The following PPP2R5C variants were observed in gnomAD, a reference collection of about 807,000 sequenced individuals.
PPP2R5C encodes serine/threonine-protein phosphatase 2A 56 kDa regulatory subunit gamma isoform.
In PPP2R5C, 7 loss-of-function variants were observed where a neutral mutation model predicts 68.9. The observed-to-expected ratio is 0.10, with a 90% confidence interval of 0.06 to 0.19. The LOEUF (loss-of-function observed/expected upper bound fraction) is 0.19. Among genes scored for constraint, PPP2R5C ranks in the 10% least tolerant of loss-of-function variants. PPP2R5C has a pLI of 1.00. For synonymous variants in PPP2R5C, 210 were observed against 222.2 expected (o/e 0.95, Z 0.49); for missense variants, 348 against 641.3 (o/e 0.54, Z 4.94).
intron 2 of PPP2R5C, 31 bp downstream of exon 4, chr14:101,856,916 C>G (rs770724888): frequency 1.9e-6 from 3 of 1,596,250 alleles, no homozygotes; most frequent in Non-Finnish European, 2.6e-6. Context: ...CAGTGTGTCC[C>G]AGTTCTGATT....
chr14:101,906,613 G>A lies in PPP2R5C; in HGVS notation c.1151+84G>A. ...GCTACTTCAGTAAGAATAAATATCA[G>A]AATTTTAAATATCAATTAAAAAACA... On this transcript the variant is annotated intron_variant, in intron 10 of 13. Transcript: ENST00000334743. This position sits in a 1 kb window ranked among gnomAD's most constrained non-coding sequence, Gnocchi z 4.0. 6.9e-7 allele frequency: 1 copy of A among 1,444,396 alleles called. No individual in the cohort carries two copies. Among genetic ancestry groups the A allele is most frequent in the Non-Finnish European group, 9.3e-7 (1 of 1,072,514 alleles). The allele number at this position is 1,444,396 out of a possible 1,614,324, so 89.5% of individuals were successfully genotyped here.
intron 1 of PPP2R5C, among the ~76,000 whole-genome samples, chr14:101,848,404 A>T (rs1595366824): frequency 6.6e-6 from 1 of 151,934 alleles, no homozygotes; most frequent in East Asian, 1.9e-4. Context: ...GGTGGCGAGC[A>T]CCTATAGTCC....
At chr14:101,761,060 G>C (rs1191031706), upstream of PPP2R5C, among the ~76,000 whole-genome samples, 6 of 137,862 alleles carry the variant, frequency 4.4e-5, no homozygotes, top group Non-Finnish European at 8.0e-5. Flanking sequence ...GGGGAGGGGA[G>C]TGGAGGGAGA....
rs537064621 is a variant in PPP2R5C at position 101,799,181 on chromosome 14, G to A, written c.259+12998G>A. On this transcript the variant is annotated intron_variant, in intron 3 of 14. Transcript: ENST00000328724. ...GCCTGCCTGGATGAGGGTGGTCTAA[G>A]CCGAGATTCCTCAGGTGGCTCTGCT... Among the ~76,000 whole-genome samples the A allele has an allele frequency of 5.9e-5, 9 of 152,326 alleles. No homozygotes were observed. In the South Asian group the frequency reaches 1.7e-3, roughly 28 times the overall value.
intron 1 of PPP2R5C, chr14:101,819,143 T>C (rs1340783037): frequency 4.8e-6 from 7 of 1,450,952 alleles, no homozygotes; most frequent in African/African-American, 2.8e-5. Flanking sequence ...TTTCTGTACA[T>C]GTATAATTAG....
intron 1 of PPP2R5C, among the ~76,000 whole-genome samples, chr14:101,837,011 G>T (rs1309109829): frequency 6.6e-6 from 1 of 152,216 alleles, no homozygotes; most frequent in African/African-American, 2.4e-5. Flanking sequence ...TGGGAGAGGC[G>T]CCTGGACTTC....
intron 2 of PPP2R5C, among the ~76,000 whole-genome samples, chr14:101,764,030 G>GTGTGTGC (rs1462659583): frequency 2.7e-5 from 4 of 146,148 alleles, no homozygotes; most frequent in African/African-American, 1.0e-4. Flanking sequence ...TGTGTGTGTG[G>GTGTGTGC]GCGCGCGCAC....
chr14:101,918,382 G>A (rs1460598406), intron 13 of PPP2R5C, among the ~76,000 whole-genome samples: 1 of 47,168 alleles, frequency 2.1e-5, no homozygotes, highest in Admixed American at 2.3e-4. Flanking sequence ...CCCTCCCCCT[G>A]TCCCCTCACC....
intron 1 of PPP2R5C, among the ~76,000 whole-genome samples, chr14:101,817,043 C>T (rs1329021974): frequency 2.0e-5 from 3 of 149,794 alleles, no homozygotes; most frequent in East Asian, 1.9e-4. Flanking sequence ...CTGCAGCCTC[C>T]GCCTCCTGGG....
intron 2 of PPP2R5C, among the ~76,000 whole-genome samples, chr14:101,768,140 A>T (rs2036954073): frequency 6.6e-6 from 1 of 152,184 alleles, no homozygotes; most frequent in Non-Finnish European, 1.5e-5. Flanking sequence ...CAACTGTGAC[A>T]ACCAAAATGC....
chr14:101,761,906 A>T, exon 1 of PPP2R5C: 1 of 1,180,948 alleles, frequency 8.5e-7, no homozygotes, highest in African/African-American at 1.6e-5. Context: ...GCCGAATAAA[A>T]ACAAGAAGGA....
At chr14:101,799,693 A>C (rs1047478814) in intron 3 of PPP2R5C, among the ~76,000 whole-genome samples, 1 of 152,232 alleles carries the variant, frequency 6.6e-6, no homozygotes, top group East Asian at 1.9e-4. Context: ...TGCAAAGGTG[A>C]CAGGCTTACA....
In PPP2R5C at chr14:101,825,562, G is replaced by A. The variant is rs1454153423; in HGVS notation, c.94+15526G>A. 1.3e-5 allele frequency among the ~76,000 whole-genome samples: 2 copies of A among 152,186 alleles called. No homozygotes were observed. The highest frequency in any genetic ancestry group is 2.9e-5 in the Non-Finnish European group (2 of 68,022). ...GAACACAGCATGCAGGCGGAACTGT[G>A]CAGGTCAGTCACCACTCCACCTCCT... is the stretch of plus-strand genomic sequence containing the variant. On this transcript the variant is annotated intron_variant, in intron 1 of 13. Transcript: ENST00000334743. This position sits in a 1 kb window ranked among gnomAD's most constrained non-coding sequence, Gnocchi z 4.0.
intron 11 of PPP2R5C, among the ~76,000 whole-genome samples, chr14:101,911,088 G>A (rs1384475254): frequency 2.7e-5 from 4 of 148,210 alleles, no homozygotes. Flanking sequence ...GGGAGACAGA[G>A]AGAGACTCCG....
At chr14:101,772,141 T>C (rs929237279) in intron 2 of PPP2R5C, among the ~76,000 whole-genome samples, 1 of 152,168 alleles carries the variant, frequency 6.6e-6, no homozygotes, top group Non-Finnish European at 1.5e-5. Context: ...TTAATTGAAC[T>C]TATTTTGTTA....
Position 101,917,689 on chromosome 14 carries a change from T to C in PPP2R5C, c.1327-142T>C. 9.4e-7 allele frequency: 1 copy of C among 1,059,732 alleles called. No individual in the cohort carries two copies. Among genetic ancestry groups the C allele is most frequent in the South Asian group, 1.5e-5 (1 of 65,536 alleles). 65.6% of individuals were successfully genotyped at this position (1,059,732 alleles called of 1,614,324 possible). On this transcript the variant is annotated intron_variant, in intron 12 of 13. Coordinates refer to ENST00000334743, the Ensembl canonical transcript of PPP2R5C. This position sits in a 1 kb window ranked among gnomAD's most constrained non-coding sequence, Gnocchi z 4.4. ...CAGCAGCCGCATCATGTTGCAGGTG[T>C]AGGCGAGTCTCCCACTGAGTGGGCT... is the stretch of plus-strand genomic sequence containing the variant.
At chr14:101,809,552 C>CTTTT (rs5811049), upstream of PPP2R5C, among the ~76,000 whole-genome samples, 10 of 92,914 alleles carry the variant, frequency 1.1e-4, no homozygotes, top group African/African-American at 2.5e-4. Flanking sequence ...TATACACACA[C>CTTTT]TTTTTTTTTT....
At position 101,890,233 on chromosome 14, in the gene PPP2R5C, C is replaced by G. The variant is rs1349484187; in HGVS notation, c.630-4C>G. 6.2e-7 allele frequency: 1 copy of G among 1,610,614 alleles called. No homozygotes were observed. Among genetic ancestry groups the G allele is most frequent in the Admixed American group, 1.7e-5 (1 of 59,492 alleles). On this transcript the variant is annotated splice_region_variant and splice_polypyrimidine_tract_variant and intron_variant, in intron 5 of 13. Transcript: ENST00000334743. The stretch of plus-strand genomic sequence containing the variant: ...AATTCTAATGGGAAAATTGTTTTTT[C>G]TAGGTTTATTTATGAAACAGAGCAT...
Position 101,916,043 on chromosome 14 carries a change from C to T in PPP2R5C, c.1327-1788C>T, listed in dbSNP as rs568781624. On this transcript the variant is annotated intron_variant, in intron 12 of 13. Transcript: ENST00000334743. This position sits in a 1 kb window ranked among gnomAD's most constrained non-coding sequence, Gnocchi z 5.5. ...GTGTCAGTTATGGGGTGGGCCGGTG[C>T]GATCTGCTGAGAGGTGAGGGTGGAG... Among the ~76,000 whole-genome samples the T allele has an allele frequency of 1.4e-4, 21 of 152,166 alleles. No homozygotes were observed. In the South Asian group the frequency reaches 2.7e-3, roughly 20 times the overall value.
Sources: gnomAD v4.1 joint callset for allele counts (sites outside exome capture counted in the v4.1 genomes callset) on GRCh38, gnomAD v4.1.1 for gene constraint, Gnocchi (gnomAD v3.1) non-coding constraint, MANE v1.5 for transcripts, NCBI Gene and HGNC (gene_info 2026-07-23, HGNC 2026-07-21) for gene names.